The following SYNCRIP variants were observed in gnomAD, a reference collection of about 807,000 sequenced individuals.
The protein encoded by SYNCRIP is synaptotagmin binding cytoplasmic RNA interacting protein, also known as heterogeneous nuclear ribonucleoprotein Q.
In SYNCRIP, 9 loss-of-function variants were observed where a neutral mutation model predicts 68.9. The observed-to-expected ratio is 0.13, with a 90% CI of 0.08 to 0.23. The LOEUF (loss-of-function observed/expected upper bound fraction) is 0.23, where lower values mean the gene tolerates loss of function less well. SYNCRIP is among the 10% of genes least tolerant of loss of function. SYNCRIP has a pLI of 1.00. For missense variants in SYNCRIP, 414 were observed against 770.6 expected, an observed-to-expected ratio of 0.54 and a Z score of 5.48; for synonymous variants, 258 against 254.0, an observed-to-expected ratio of 1.02 and a Z score of -0.15.
chr6:85,613,283 A>G (rs1201081651), downstream of SYNCRIP, among the ~76,000 whole-genome samples: 1 of 152,196 alleles, frequency 6.6e-6, no homozygotes, highest in East Asian at 1.9e-4. Flanking sequence ...TGAGACATGA[A>G]GTAATCATAA....
At chr6:85,610,557 T>C (rs1805160861), downstream of SYNCRIP, 1 of 152,058 alleles carries the variant, frequency 6.6e-6, no homozygotes, top group Admixed American at 6.5e-5. Flanking sequence ...TGTTCCTCTT[T>C]CAACTTTGAC....
chr6:85,619,381 C>T lies in SYNCRIP; in HGVS notation c.1045G>A (p.Val349Ile). The change falls in exon 9 of 11, where the codon GTA (valine) becomes ATA (isoleucine). Residue 349 changes from valine (V) to isoleucine (I), a missense_variant. Around this residue, in one of 6 missense-constraint regions of SYNCRIP, gnomAD observed 51 missense variants for 151.1 expected, o/e 0.34. Coordinates refer to ENST00000369622, the MANE Select transcript of SYNCRIP (RefSeq NM_006372.5). ...GCCTTTTCTAAAATCTCTTCTGTTA[C>T]AGTATTGGCAAGGTTGCGTACAAAC... ...VLFVRNLANT[V>I]TEEILEKAFS... The T allele has an allele frequency of 6.2e-7, 1 of 1,613,882 alleles. No homozygotes were observed. The highest frequency in any genetic ancestry group is 8.5e-7 in the Non-Finnish European group (1 of 1,179,984).
At chr6:85,616,617 G>A (rs903330418) in intron 10 of SYNCRIP, among the ~76,000 whole-genome samples, 4 of 152,094 alleles carry the variant, frequency 2.6e-5, no homozygotes, top group Non-Finnish European at 2.9e-5. Context: ...CAAAGTGGTG[G>A]GATTACAGGC....
chr6:85,619,423 G>T lies in SYNCRIP; in HGVS notation c.1009-6C>A. 6.2e-7 allele frequency: 1 copy of T among 1,608,726 alleles called. No homozygotes were observed. Among genetic ancestry groups the T allele is most frequent in the Non-Finnish European group, 8.5e-7 (1 of 1,178,826 alleles). Reference sequence around the variant, plus strand: ...CGTACAAACAGCACTTTTACCTAGGGGGAAGAAAATACCCCCCTGTATTAT... The same window carrying T: ...CGTACAAACAGCACTTTTACCTAGGTGGAAGAAAATACCCCCCTGTATTAT... On this transcript the variant is annotated splice_region_variant and splice_polypyrimidine_tract_variant and intron_variant, in intron 8 of 10. Transcript: ENST00000369622.
At chr6:85,632,891 T>A (rs942868320) in intron 6 of SYNCRIP, among the ~76,000 whole-genome samples, 1 of 152,138 alleles carries the variant, frequency 6.6e-6, no homozygotes, top group East Asian at 1.9e-4. Context: ...GCATTGATCA[T>A]GACACTGCAC....
chr6:85,640,951 A>G (rs1321772855), intron 2 of SYNCRIP, among the ~76,000 whole-genome samples: 2 of 152,218 alleles, frequency 1.3e-5, no homozygotes, highest in African/African-American at 4.8e-5. Context: ...GAAAGACAAG[A>G]AAACAAGTCT....
chr6:85,615,883 CAA>C (rs1211677254), intron 10 of SYNCRIP, among the ~76,000 whole-genome samples: 4 of 152,212 alleles, frequency 2.6e-5, no homozygotes, highest in Non-Finnish European at 1.5e-5. Context: ...ACATTTATTA[CAA>C]AAGCAAAATG....
intron 6 of SYNCRIP, among the ~76,000 whole-genome samples, chr6:85,631,710 C>A (rs186498040): frequency 6.6e-6 from 1 of 152,336 alleles, no homozygotes; most frequent in Non-Finnish European, 1.5e-5. Flanking sequence ...AGTTATCAGG[C>A]TACCTGGTGA....
At chr6:85,615,830 G>C (rs1436527195) in intron 10 of SYNCRIP, among the ~76,000 whole-genome samples, 1 of 152,266 alleles carries the variant, frequency 6.6e-6, no homozygotes, top group Non-Finnish European at 1.5e-5. Context: ...TTGTCACTTT[G>C]AATTGCATTT....
At chr6:85,619,184 T>G in intron 9 of SYNCRIP, 84 bp downstream of exon 9, 1 of 1,559,668 alleles carries the variant, frequency 6.4e-7, no homozygotes, top group Non-Finnish European at 8.7e-7. Context: ...CAAAGTCTCC[T>G]CCAATTTGTA....
intron 7 of SYNCRIP, 67 bp downstream of exon 7, chr6:85,623,910 G>A (rs892229151): frequency 1.8e-5 from 28 of 1,564,266 alleles, no homozygotes; most frequent in Middle Eastern, 1.7e-4. Flanking sequence ...AATGCATGAC[G>A]CACAGAAATA....
intron 8 of SYNCRIP, among the ~76,000 whole-genome samples, 162 bp from the exon 9 acceptor site, chr6:85,619,579 G>A (rs958916521): frequency 6.6e-6 from 1 of 151,746 alleles, no homozygotes; most frequent in Non-Finnish European, 1.5e-5. Flanking sequence ...ATATCAAGCA[G>A]CAGAACTGCT....
At chr6:85,643,009 C>T (rs1236706960), upstream of SYNCRIP, 3 of 136,208 alleles carry the variant, frequency 2.2e-5, no homozygotes, top group Admixed American at 2.2e-4. Context: ...CCCTTCCCTT[C>T]CCTTCCCTTC....
At chr6:85,618,564 T>C (rs1024304810) in intron 10 of SYNCRIP, among the ~76,000 whole-genome samples, 2 of 151,884 alleles carry the variant, frequency 1.3e-5, no homozygotes, top group African/African-American at 4.8e-5. Flanking sequence ...AAAAAAAAGC[T>C]AGACAGATTT....
At chr6:85,609,555 G>A (rs765370211), downstream of SYNCRIP, 5 of 151,950 alleles carry the variant, frequency 3.3e-5, no homozygotes, top group African/African-American at 4.8e-5. Flanking sequence ...AGTTGTGTGT[G>A]TGCACACTCA....
At chr6:85,640,716 T>C (rs1809032974) in intron 2 of SYNCRIP, 152 bp from the exon 3 acceptor site, 2 of 539,838 alleles carry the variant, frequency 3.7e-6, no homozygotes, top group African/African-American at 3.8e-5. Flanking sequence ...CTTCAGCCAC[T>C]CTGAACTGAA....
chr6:85,624,922 T>C (rs1275674123), intron 6 of SYNCRIP, among the ~76,000 whole-genome samples: 1 of 152,204 alleles, frequency 6.6e-6, no homozygotes, highest in East Asian at 1.9e-4. Context: ...GCAATAATTA[T>C]TGATTAATCC....
chr6:85,640,320 A>G lies in SYNCRIP; in HGVS notation c.276T>C (p.Ser92=). 1 of 1,613,124 alleles carries G rather than the reference A, an allele frequency of 6.2e-7. No individual in the cohort carries two copies. The highest frequency in any genetic ancestry group is 1.1e-5 in the South Asian group (1 of 90,778). ...DSDLSHVQNK[S]AFLCGVMKTY... is the part of the protein sequence containing the mutation. ...TCTTCATGACTCCACATAAAAAGGCACTTTTGTTCTGCAAAAAAATGTTCC... is the reference window on the plus strand; with the variant it reads ...TCTTCATGACTCCACATAAAAAGGCGCTTTTGTTCTGCAAAAAAATGTTCC... Residue 92 remains serine (S), a synonymous_variant, in exon 4 of 11, where the codon AGT becomes AGC. Coordinates refer to ENST00000369622, the MANE Select transcript of SYNCRIP (RefSeq NM_006372.5).
At chr6:85,619,939 A>G (rs1806200292) in intron 8 of SYNCRIP, among the ~76,000 whole-genome samples, 2 of 152,186 alleles carry the variant, frequency 1.3e-5, no homozygotes, top group Admixed American at 6.5e-5. Flanking sequence ...TGTTAATAGC[A>G]GCTTTATTTG....
Sources: allele counts gnomAD v4.1 joint callset (sites outside exome capture counted in the v4.1 genomes callset), GRCh38; gene constraint gnomAD v4.1.1; regional missense constraint gnomAD v4.1.1; transcripts MANE v1.5; gene names NCBI Gene and HGNC (gene_info 2026-07-23, HGNC 2026-07-21).